Variants in FANCI observed in about 807,000 individuals in gnomAD.
FANCI encodes FA complementation group I, also known as Fanconi anemia group I protein.
In FANCI, 156 loss-of-function variants were observed where a neutral mutation model predicts 176.1. The observed-to-expected ratio is 0.89, with a 90% confidence interval of 0.78 to 1.01. The LOEUF is 1.01. FANCI is among the 50% of genes least tolerant of loss of function. The pLI, the probability that FANCI is intolerant of heterozygous loss-of-function variation, is 0.00. For synonymous variants in FANCI, 613 were observed against 541.7 expected (o/e 1.13, Z -1.83); for missense variants, 1,678 against 1,534.1 (o/e 1.09, Z -1.57).
At chr15:89,249,975 C>T (rs2052167288) in intron 2 of FANCI, among the ~76,000 whole-genome samples, 1 of 152,148 alleles carries the variant, frequency 6.6e-6, no homozygotes, top group Non-Finnish European at 1.5e-5. Flanking sequence ...ACAAAGAAAA[C>T]ATGGGTAGGT....
chr15:89,279,358 A>G (rs2053529195), intron 14 of FANCI, among the ~76,000 whole-genome samples: 1 of 152,194 alleles, frequency 6.6e-6, no homozygotes, highest in Non-Finnish European at 1.5e-5. Context: ...GGGTTTCGCC[A>G]TGCTGGCCAG....
intron 2 of FANCI, among the ~76,000 whole-genome samples, chr15:89,257,148 T>C (rs1440140558): frequency 6.6e-6 from 1 of 152,156 alleles, no homozygotes; most frequent in East Asian, 1.9e-4. Flanking sequence ...CCTTGTGATC[T>C]GCCCACCTCG....
At chr15:89,264,633 G>T in intron 9 of FANCI, 26 bp downstream of exon 9, 1 of 1,580,330 alleles carries the variant, frequency 6.3e-7, no homozygotes, top group South Asian at 1.1e-5. Flanking sequence ...TAGAAATAAA[G>T]ATCATTTTTA....
chr15:89,269,999 T>C lies in FANCI; in HGVS notation c.882+1474T>C, dbSNP rs146450554. ...CTAATTTTCGTATTTTTAATAGAGGTGGGGTTTCGCCATATTGGCCAGGCT... is the reference window on the plus strand; with the variant it reads ...CTAATTTTCGTATTTTTAATAGAGGCGGGGTTTCGCCATATTGGCCAGGCT... On this transcript the variant is annotated intron_variant, in intron 10 of 37. Transcript: ENST00000310775. Among the ~76,000 whole-genome samples, 410 of 152,194 alleles carry C rather than the reference T, an allele frequency of 2.7e-3. 7 individuals carry two copies. The highest frequency in any genetic ancestry group is 0.015 in the East Asian group (77 of 5,170).
intron 35 of FANCI, among the ~76,000 whole-genome samples, chr15:89,314,404 A>G (rs2055114625): frequency 6.6e-6 from 1 of 152,234 alleles, no homozygotes; most frequent in African/African-American, 2.4e-5. Flanking sequence ...TTATAAATGA[A>G]ATGGATCAGT....
rs1567148345 is a variant in FANCI, at chr15:89,268,403, T to C, written c.760T>C (p.Leu254=). The change falls in exon 10 of 38, where the codon TTG becomes CTG. Residue 254 remains leucine, a synonymous_variant. Coordinates refer to ENST00000310775, the MANE Select transcript of FANCI (RefSeq NM_001113378.2). ...HNEEQSGDEL[L]DVVTVPSGEL... is the part of the protein sequence containing the mutation. ...ACTTTCTGTTGAATCTTTTAGGCTA[T>C]TGGATGTTGTCACTGTGCCATCAGG... The C allele has an allele frequency of 1.9e-6, 3 of 1,614,180 alleles. No homozygotes were observed. In the African/African-American group the frequency reaches 4.0e-5, roughly 22 times the overall value.
chr15:89,296,193 G>A (rs979021418), intron 24 of FANCI, among the ~76,000 whole-genome samples: 1 of 151,944 alleles, frequency 6.6e-6, no homozygotes, highest in South Asian at 2.1e-4. Flanking sequence ...TCGAACTCCT[G>A]ACCTCAGGTG....
At chr15:89,313,097 A>C in intron 35 of FANCI, 125 bp downstream of exon 35, 1 of 970,102 alleles carries the variant, frequency 1.0e-6, no homozygotes. Flanking sequence ...GCCCAGAATA[A>C]ATCATCTAAA....
chr15:89,302,090 T>C (rs562226204), intron 27 of FANCI, among the ~76,000 whole-genome samples: 4 of 152,328 alleles, frequency 2.6e-5, no homozygotes, highest in African/African-American at 7.2e-5. Context: ...TGTAGGATGA[T>C]AGAGTACCTT....
intron 12 of FANCI, among the ~76,000 whole-genome samples, chr15:89,275,762 T>C (rs886800426): frequency 1.3e-5 from 2 of 152,212 alleles, no homozygotes; most frequent in African/African-American, 4.8e-5. Context: ...TCCCATCTTC[T>C]GGAAATCTCA....
intron 9 of FANCI, among the ~76,000 whole-genome samples, chr15:89,266,708 A>G (rs547398602): frequency 1.6e-4 from 25 of 152,214 alleles, no homozygotes; most frequent in Non-Finnish European, 3.1e-4. Context: ...TCCTAGCTTC[A>G]GGCGATCTCC....
chr15:89,285,002 CT>C (rs768010790), intron 17 of FANCI, 93 bp from the exon 18 acceptor site: 95 of 1,539,138 alleles, frequency 6.2e-5, no homozygotes, highest in Non-Finnish European at 8.3e-5. Context: ...GTGGAGGAAG[CT>C]AAGTTTTTTC....
At position 89,260,741 on chromosome 15, in the gene FANCI, A is replaced by G; in HGVS notation, c.186A>G (p.Thr62=). The G allele has an allele frequency of 6.2e-7, 1 of 1,614,026 alleles. No homozygotes were observed. The highest frequency in any genetic ancestry group is 8.5e-7 in the Non-Finnish European group (1 of 1,179,912). Residue 62 remains threonine, a synonymous_variant, in exon 4 of 38, where the codon ACA becomes ACG. Coordinates refer to ENST00000310775, the MANE Select transcript of FANCI (RefSeq NM_001113378.2). ...KGSPCSEEAG[T]LRRRKIYTCC... ...CCCCCTGCTCTGAGGAAGCTGGAAC[A>G]CTTAGGAGACGTAAGATATACACTT...
chr15:89,268,188 G>C (rs1043984746), intron 9 of FANCI, among the ~76,000 whole-genome samples: 1 of 152,070 alleles, frequency 6.6e-6, no homozygotes. Context: ...TCCACCTTCC[G>C]GGCTGAAGCA....
At chr15:89,267,535 G>C (rs2053021365) in intron 9 of FANCI, among the ~76,000 whole-genome samples, 1 of 152,004 alleles carries the variant, frequency 6.6e-6, no homozygotes. Flanking sequence ...GGTAGAAAGA[G>C]GATAGAAGCC....
intron 34 of FANCI, chr15:89,308,299 T>C (rs551179045): frequency 2.4e-6 from 1 of 417,520 alleles, no homozygotes; most frequent in African/African-American, 2.2e-5. Flanking sequence ...GCCCCCTAGT[T>C]TTAACAGCCA....
At chr15:89,265,446 A>G (rs1013514401) in intron 9 of FANCI, among the ~76,000 whole-genome samples, 2 of 151,438 alleles carry the variant, frequency 1.3e-5, no homozygotes, top group Non-Finnish European at 1.5e-5. Flanking sequence ...GCCTGAAGTG[A>G]TTCACCCTCC....
intron 27 of FANCI, among the ~76,000 whole-genome samples, chr15:89,302,763 C>T (rs1202377928): frequency 1.3e-5 from 2 of 151,980 alleles, no homozygotes; most frequent in Admixed American, 6.6e-5. Flanking sequence ...TTAATAGAGA[C>T]GGGGTTTCAC....
At chr15:89,314,738 C>A in intron 36 of FANCI, 31 bp downstream of exon 36, 1 of 1,488,776 alleles carries the variant, frequency 6.7e-7, no homozygotes, top group Non-Finnish European at 9.4e-7. Flanking sequence ...TGCTACCATT[C>A]CCATTTACCT....
Sources: allele counts gnomAD v4.1 joint callset (sites outside exome capture counted in the v4.1 genomes callset), GRCh38; gene constraint gnomAD v4.1.1; transcripts MANE v1.5; gene names NCBI Gene and HGNC (gene_info 2026-07-23, HGNC 2026-07-21).